Variants in PNPLA6 observed in about 807,000 individuals in gnomAD.
PNPLA6 encodes the protein patatin-like phospholipase domain-containing protein 6.
Under a neutral mutation model 153.7 loss-of-function variants are expected in PNPLA6, and 105 were observed. The observed-to-expected ratio is 0.68, with a 90% CI of 0.58 to 0.80. The LOEUF (loss-of-function observed/expected upper bound fraction) is 0.80, where lower values mean the gene tolerates loss of function less well. Ranked by LOEUF, PNPLA6 falls within the 30% of genes least tolerant of loss-of-function variation. PNPLA6 has a pLI of 0.00. For missense variants in PNPLA6, 1,423 were observed against 1,919.3 expected (o/e 0.74, Z 4.83); for synonymous variants, 825 against 822.2 (o/e 1.00, Z -0.06).
chr19:7,542,755 A>C lies in PNPLA6; in HGVS notation c.1363-6A>C. On this transcript the variant is annotated splice_region_variant and splice_polypyrimidine_tract_variant and intron_variant, in intron 11 of 31. Coordinates refer to ENST00000600737, the MANE Select transcript of PNPLA6 (RefSeq NM_001166114.2). Reference sequence around the variant, plus strand: ...CATCAGGAGGTCACAAGCCTGCCCCACTCAGACCCCCACTCAGGAGCCTCG... The same window carrying C: ...CATCAGGAGGTCACAAGCCTGCCCCCCTCAGACCCCCACTCAGGAGCCTCG... 1 of 1,612,796 alleles carries C rather than the reference A, an allele frequency of 6.2e-7. No individual in the cohort carries two copies. Among genetic ancestry groups the C allele is most frequent in the Non-Finnish European group, 8.5e-7 (1 of 1,179,878 alleles).
chr19:7,535,556 G>A (rs200591590), upstream of PNPLA6: 12 of 1,604,482 alleles, frequency 7.5e-6, no homozygotes, highest in East Asian at 2.2e-5. The surrounding 1 kb of genome is among the most constrained non-coding windows in gnomAD (Gnocchi z 5.0). Context: ...AACCGATGGA[G>A]GCTCCGCTGC....
intron 26 of PNPLA6, 120 bp downstream of exon 26, chr19:7,556,844 C>T: frequency 2.5e-6 from 2 of 798,168 alleles, no homozygotes; most frequent in Non-Finnish European, 4.4e-6. Flanking sequence ...CCACCCTGGC[C>T]CGATCACCGA....
Position 7,555,204 on chromosome 19 carries a change from C to A in PNPLA6, c.2818-45C>A, listed in dbSNP as rs747178079. The A allele has an allele frequency of 4.6e-6, 7 of 1,537,940 alleles. No individual in the cohort carries two copies. In the East Asian group the frequency reaches 1.2e-4, roughly 25 times the overall value. The stretch of plus-strand genomic sequence containing the variant: ...GGGTACCCCTGGGGGATCCGCCGGA[C>A]CCCGCCCTCATGCTCCTGGGTCGCG... On this transcript the variant is annotated intron_variant, in intron 22 of 31. Coordinates refer to ENST00000600737, the MANE Select transcript of PNPLA6 (RefSeq NM_001166114.2). This position sits in a 1 kb window ranked among gnomAD's most constrained non-coding sequence, Gnocchi z 6.3.
intron 28 of PNPLA6, among the ~76,000 whole-genome samples, chr19:7,560,187 T>A (rs1443213049): frequency 2.0e-5 from 3 of 151,998 alleles, no homozygotes; most frequent in Non-Finnish European, 2.9e-5. Flanking sequence ...ATAATAAAAA[T>A]TTTTTTAAAA....
Position 7,557,152 on chromosome 19 carries a change from G to A in PNPLA6, c.3281-16G>A. On this transcript the variant is annotated splice_polypyrimidine_tract_variant and intron_variant, in intron 26 of 31. Transcript: ENST00000600737. ...CGTGTCTGTGCGTGTTTGTGTCTGT[G>A]TGTCCCACCGCGCAGGCTCCCTGTG... 6.3e-7 allele frequency: 1 copy of A among 1,581,922 alleles called. No individual in the cohort carries two copies.
chr19:7,535,931 A>G lies in PNPLA6; in HGVS notation c.143A>G (p.Gln48Arg). ...GCGCAGCCAGTGCCGTTCGTCCCTC[A>G]GGTGCTTGGCGTGATGATCGGGGCC... ...CGAQPVPFVP[Q>R]VLGVMIGAGV... The change falls in exon 1 of 32, where the codon CAG becomes CGG. Residue 48 changes from glutamine to arginine, a missense_variant. By Grantham distance (43) the Gln-to-Arg change is conservative. Around this residue, in one of 10 missense-constraint regions of PNPLA6, gnomAD observed 109 missense variants for 109.4 expected, o/e 1.00. Transcript: ENST00000600737. This position sits in a 1 kb window ranked among gnomAD's most constrained non-coding sequence, Gnocchi z 5.0. The G allele has an allele frequency of 1.3e-6, 2 of 1,580,358 alleles. No individual in the cohort carries two copies. Among genetic ancestry groups the G allele is most frequent in the South Asian group, 1.1e-5 (1 of 86,958 alleles).
rs766769498 is a variant in PNPLA6, at chr19:7,551,457, G to A, written c.2260+20G>A. ...TCCCAGGTGAGAGCCGGCCGGCCCAGAGCGTGCTGGGAGATGTAGTCCGGC... is the reference window on the plus strand; with the variant it reads ...TCCCAGGTGAGAGCCGGCCGGCCCAAAGCGTGCTGGGAGATGTAGTCCGGC... On this transcript the variant is annotated intron_variant, in intron 18 of 31. Coordinates refer to ENST00000600737, the MANE Select transcript of PNPLA6 (RefSeq NM_001166114.2). 6.2e-7 allele frequency: 1 copy of A among 1,603,710 alleles called. No homozygotes were observed. Among genetic ancestry groups the A allele is most frequent in the Non-Finnish European group, 8.5e-7 (1 of 1,170,828 alleles).
intron 18 of PNPLA6, among the ~76,000 whole-genome samples, chr19:7,553,186 G>C (rs915523262): frequency 1.3e-5 from 2 of 151,846 alleles, no homozygotes; most frequent in African/African-American, 4.8e-5. Context: ...GGTCTAGGCT[G>C]TTAGTGGAGA....
Position 7,561,522 on chromosome 19 carries a change from G to A in PNPLA6, c.4058G>A (p.Cys1353Tyr). The A allele has an allele frequency of 2.5e-6, 4 of 1,608,862 alleles. No homozygotes were observed. In the South Asian group the frequency reaches 4.4e-5, roughly 18 times the overall value. Residue 1353 changes from cysteine to tyrosine, a missense_variant, in exon 32 of 32, where the codon TGT becomes TAT. By Grantham distance (194) the Cys-to-Tyr change is radical. Around this residue, in one of 10 missense-constraint regions of PNPLA6, gnomAD observed 643 missense variants for 835.2 expected, o/e 0.77. Coordinates refer to ENST00000600737, the MANE Select transcript of PNPLA6 (RefSeq NM_001166114.2). Reference sequence around the variant, plus strand: ...AAGTCGATTCTCCGGCAACGACGCTGTCTGCCCCAGGAGCCGCCCGGCTCA... The same window carrying A: ...AAGTCGATTCTCCGGCAACGACGCTATCTGCCCCAGGAGCCGCCCGGCTCA... ...EEKSILRQRR[C>Y]LPQEPPGSAT...
chr19:7,549,215 C>T (rs1340163468), intron 13 of PNPLA6, among the ~76,000 whole-genome samples: 2 of 145,786 alleles, frequency 1.4e-5, no homozygotes, highest in Admixed American at 6.9e-5. Flanking sequence ...GAGACGGAGT[C>T]TCGCTCTGTC....
Position 7,541,968 on chromosome 19 carries a change from C to T in PNPLA6, c.1169-16C>T. The T allele has an allele frequency of 6.2e-7, 1 of 1,602,528 alleles. No homozygotes were observed. Among genetic ancestry groups the T allele is most frequent in the Non-Finnish European group, 8.5e-7 (1 of 1,175,038 alleles). On this transcript the variant is annotated splice_polypyrimidine_tract_variant and intron_variant, in intron 9 of 31. Transcript: ENST00000600737. This position sits in a 1 kb window ranked among gnomAD's most constrained non-coding sequence, Gnocchi z 5.2. ...TGGCTCTGAGGGGCAGGAGCCTGAA[C>T]ATGTGTCTCCCCCAGGGGACCCTGT...
Position 7,557,097 on chromosome 19 carries a change from C to T in PNPLA6, c.3281-71C>T, listed in dbSNP as rs1040786141. On this transcript the variant is annotated intron_variant, in intron 26 of 31. Transcript: ENST00000600737. ...CAACGTCCCAGGTCAGCGAGCCCATCGGGCCGGCTGGGCCTCCGGCGTGTC... is the reference window on the plus strand; with the variant it reads ...CAACGTCCCAGGTCAGCGAGCCCATTGGGCCGGCTGGGCCTCCGGCGTGTC... 39 of 1,188,260 alleles carry T rather than the reference C, an allele frequency of 3.3e-5. No homozygotes were observed. The South Asian group carries it at 4.1e-4, about 13-fold the overall frequency. 73.6% of individuals were successfully genotyped at this position (1,188,260 alleles called of 1,614,324 possible).
At chr19:7,554,497 G>A (rs2023784457) in intron 20 of PNPLA6, 58 bp from the exon 21 acceptor site, 1 of 1,589,032 alleles carries the variant, frequency 6.3e-7, no homozygotes, top group Non-Finnish European at 8.6e-7. Flanking sequence ...ATGTGGTCTC[G>A]GGGAGCACAC....
chr19:7,552,562 C>G (rs1385130623), intron 18 of PNPLA6, among the ~76,000 whole-genome samples: 4 of 151,950 alleles, frequency 2.6e-5, no homozygotes, highest in Admixed American at 1.3e-4. Context: ...TCGAGACCAG[C>G]CTGGCCAACG....
intron 18 of PNPLA6, among the ~76,000 whole-genome samples, chr19:7,553,160 A>G (rs2023728701): frequency 6.6e-6 from 1 of 152,192 alleles, no homozygotes; most frequent in African/African-American, 2.4e-5. Context: ...TAGGCAAGAT[A>G]TGGGAGTTGA....
Position 7,541,586 on chromosome 19 carries a change from G to C in PNPLA6, c.1070G>C (p.Gly357Ala). 6.3e-7 allele frequency: 1 copy of C among 1,595,886 alleles called. No homozygotes were observed. Among genetic ancestry groups the C allele is most frequent in the Non-Finnish European group, 8.5e-7 (1 of 1,171,490 alleles). The change falls in exon 9 of 32, where the codon GGC (glycine) becomes GCC (alanine). Residue 357 changes from glycine (G) to alanine (A), a missense_variant. Gly to Ala is a moderately conservative substitution (Grantham distance 60, BLOSUM62 0). This residue lies in a region of PNPLA6 where 267 missense variants were observed against 255.1 expected (regional missense o/e 1.05). Coordinates refer to ENST00000600737, the MANE Select transcript of PNPLA6 (RefSeq NM_001166114.2). This position sits in a 1 kb window ranked among gnomAD's most constrained non-coding sequence, Gnocchi z 5.2. ...GLPTRTSPVR[G>A]SKRMVSTSAT... ...CCAACTCGCACCAGCCCTGTGCGGGGCTCCAAGAGAATGGTCAGCACCTCA... is the reference window on the plus strand; with the variant it reads ...CCAACTCGCACCAGCCCTGTGCGGGCCTCCAAGAGAATGGTCAGCACCTCA...
intron 3 of PNPLA6, among the ~76,000 whole-genome samples, chr19:7,539,428 G>A (rs534161074): frequency 6.6e-6 from 1 of 151,818 alleles, no homozygotes; most frequent in South Asian, 2.1e-4. Context: ...GCAGTGGGCC[G>A]AGATTTCGCC....
intron 24 of PNPLA6, 22 bp from the exon 25 acceptor site, chr19:7,556,431 C>A: frequency 6.8e-7 from 1 of 1,469,456 alleles, no homozygotes; most frequent in Non-Finnish European, 9.5e-7. Flanking sequence ...CTATTTGACC[C>A]TGTCTGGCCC....
At chr19:7,554,097 G>C (rs553221126) in intron 19 of PNPLA6, 82 bp downstream of exon 19, 63 of 1,591,346 alleles carry the variant, frequency 4.0e-5, no homozygotes, top group Non-Finnish European at 5.3e-5. Context: ...AGGTCATTTG[G>C]GGGGTGGAGG....
Sources: allele counts gnomAD v4.1 joint callset (sites outside exome capture counted in the v4.1 genomes callset), GRCh38; gene constraint gnomAD v4.1.1; regional missense constraint gnomAD v4.1.1; non-coding constraint Gnocchi (gnomAD v3.1); transcripts MANE v1.5; gene names NCBI Gene and HGNC (gene_info 2026-07-23, HGNC 2026-07-21).